CPEB3: variants seen among roughly 807,000 people sequenced by gnomAD.
CPEB3 encodes cytoplasmic polyadenylation element binding protein 3, also known as cytoplasmic polyadenylation element-binding protein 3.
A neutral mutation model predicts 67.2 loss-of-function variants in CPEB3; 20 were observed. The observed-to-expected ratio is 0.30, with a 90% CI of 0.21 to 0.43. The LOEUF is 0.43. Among genes scored for constraint, CPEB3 ranks in the 20% least tolerant of loss-of-function variants. CPEB3 has a pLI of 1.00. For synonymous variants in CPEB3, 376 were observed against 393.1 expected, an observed-to-expected ratio of 0.96 and a Z score of 0.51; for missense variants, 746 against 968.6, an observed-to-expected ratio of 0.77 and a Z score of 3.05.
chr10:92,116,988 G>A (rs1590174861), intron 6 of CPEB3, among the ~76,000 whole-genome samples: 2 of 152,240 alleles, frequency 1.3e-5, no homozygotes, highest in Admixed American at 1.3e-4. Context: ...CATTTCATTG[G>A]CCAGGTGTGT....
At chr10:92,091,203 G>A (rs547695554) in intron 8 of CPEB3, among the ~76,000 whole-genome samples, 1 of 152,024 alleles carries the variant, frequency 6.6e-6, no homozygotes, top group Non-Finnish European at 1.5e-5. Context: ...AGTGGCAACA[G>A]TAACTTTTTT....
chr10:92,210,289 G>C (rs933101232), intron 2 of CPEB3, among the ~76,000 whole-genome samples: 1 of 152,162 alleles, frequency 6.6e-6, no homozygotes, highest in African/African-American at 2.4e-5. Flanking sequence ...ATGCTATAAA[G>C]ATACAAATGA....
chr10:92,185,477 T>TA lies in CPEB3; in HGVS notation c.1166-4459dup, dbSNP rs200919646. ...ACATTCATATTTAAAACACTAGTTA[T>TA]AAAAAAAAAACTATGTCTATCATGA... is the stretch of plus-strand genomic sequence containing the variant. On this transcript the variant is annotated intron_variant, in intron 3 of 9. Transcript: ENST00000265997. Among the ~76,000 whole-genome samples the TA allele has an allele frequency of 5.7e-3, 855 of 148,818 alleles. 11 individuals carry two copies. Among genetic ancestry groups the TA allele is most frequent in the East Asian group, 0.05 (255 of 5,134 alleles).
In CPEB3 at chr10:92,263,081, T is replaced by G. The variant is rs372970118; in HGVS notation, c.-11-22720A>C. ...CATAGCACTCGGCCGAAAGCATTTT[T>G]TTGTTGTTGTTGGAGACAGTCTCTC... On this transcript the variant is annotated intron_variant, in intron 1 of 9. Transcript: ENST00000265997. 4.6e-5 allele frequency among the ~76,000 whole-genome samples: 7 copies of G among 152,282 alleles called. No individual in the cohort carries two copies. The East Asian group carries it at 5.8e-4, about 13-fold the overall frequency.
At chr10:92,139,567 A>C (rs1453750544) in intron 6 of CPEB3, among the ~76,000 whole-genome samples, 2 of 152,124 alleles carry the variant, frequency 1.3e-5, no homozygotes, top group Admixed American at 6.5e-5. Context: ...AAAAGTGGGC[A>C]TGGTTAATAG....
At chr10:92,156,234 T>C (rs1288347864) in intron 4 of CPEB3, among the ~76,000 whole-genome samples, 1 of 152,080 alleles carries the variant, frequency 6.6e-6, no homozygotes, top group African/African-American at 2.4e-5. Flanking sequence ...AAAATAAGGA[T>C]AGTTCTTAGA....
chr10:92,161,918 C>T (rs1370195076), intron 4 of CPEB3, among the ~76,000 whole-genome samples: 2 of 152,202 alleles, frequency 1.3e-5, no homozygotes, highest in East Asian at 3.9e-4. Flanking sequence ...GCCGTGGCCT[C>T]CCAAAGTGCT....
chr10:92,217,591 G>A (rs545246585), intron 2 of CPEB3, among the ~76,000 whole-genome samples: 12 of 151,602 alleles, frequency 7.9e-5, no homozygotes, highest in East Asian at 7.8e-4. Flanking sequence ...GAGGAACCCC[G>A]TCTCTACTAA....
chr10:92,153,941 T>G (rs1847083823), intron 4 of CPEB3, among the ~76,000 whole-genome samples: 2 of 152,242 alleles, frequency 1.3e-5, no homozygotes, highest in Middle Eastern at 6.8e-3. Flanking sequence ...CCTGGTAGAC[T>G]AGTTGTATTT....
At chr10:92,057,108 T>C (rs1360436042) in intron 9 of CPEB3, among the ~76,000 whole-genome samples, 2 of 152,174 alleles carry the variant, frequency 1.3e-5, no homozygotes, top group Non-Finnish European at 2.9e-5. Context: ...TGAGACTTGC[T>C]GGCTTCAGGT....
intron 4 of CPEB3, among the ~76,000 whole-genome samples, chr10:92,173,308 T>C (rs1261587159): frequency 2.0e-5 from 3 of 152,166 alleles, no homozygotes; most frequent in African/African-American, 7.2e-5. Flanking sequence ...TGGTTAGAAC[T>C]ACCCAATACT....
At chr10:92,190,498 T>A (rs1457827198) in intron 3 of CPEB3, among the ~76,000 whole-genome samples, 2 of 150,732 alleles carry the variant, frequency 1.3e-5, no homozygotes, top group African/African-American at 4.9e-5. Context: ...AAATTCTGTC[T>A]CTACTAAAAA....
intron 1 of CPEB3, among the ~76,000 whole-genome samples, chr10:92,267,876 T>C (rs1853130751): frequency 6.6e-6 from 1 of 152,240 alleles, no homozygotes. Flanking sequence ...TGGACTGCAG[T>C]GGCACGATCT....
At chr10:92,188,320 T>TAAAAAAAAAAAAAA (rs756970118) in intron 3 of CPEB3, among the ~76,000 whole-genome samples, 6 of 36,976 alleles carry the variant, frequency 1.6e-4, no homozygotes, top group South Asian at 1.6e-3. Context: ...TAAGACATAG[T>TAAAAAAAAAAAAAA]AAAAAAAAAA....
chr10:92,110,505 C>T (rs555530456), intron 7 of CPEB3, among the ~76,000 whole-genome samples: 1 of 152,344 alleles, frequency 6.6e-6, no homozygotes, highest in South Asian at 2.1e-4. Context: ...CTCATTCATA[C>T]TCTGGCTCAG....
chr10:92,052,792 G>C (rs559929373), intron 9 of CPEB3, among the ~76,000 whole-genome samples: 2 of 152,228 alleles, frequency 1.3e-5, no homozygotes, highest in African/African-American at 4.8e-5. Flanking sequence ...AGGATTAAGA[G>C]GGGCTGTGCA....
At chr10:92,262,093 G>A (rs1039290292) in intron 1 of CPEB3, among the ~76,000 whole-genome samples, 9 of 152,124 alleles carry the variant, frequency 5.9e-5, no homozygotes, top group Non-Finnish European at 1.2e-4. Context: ...TTCTCTTCTT[G>A]AGGAAGCTGA....
chr10:92,181,922 G>C (rs1848478813), intron 3 of CPEB3, among the ~76,000 whole-genome samples: 1 of 151,704 alleles, frequency 6.6e-6, no homozygotes, highest in African/African-American at 2.4e-5. Context: ...AGACATTTTT[G>C]TTATGTTTTC....
chr10:92,289,718 C>CAAAAAAAAAAAAAAAAAAAAAA (rs749285662), intron 1 of CPEB3, among the ~76,000 whole-genome samples: 5 of 30,960 alleles, frequency 1.6e-4, no homozygotes, highest in Admixed American at 6.1e-4. Flanking sequence ...GCGTCTCTAC[C>CAAAAAAAAAAAAAAAAAAAAAA]AAAAAAAAAA....
Sources: allele counts gnomAD v4.1 joint callset (sites outside exome capture counted in the v4.1 genomes callset), GRCh38; gene constraint gnomAD v4.1.1; transcripts MANE v1.5; gene names NCBI Gene and HGNC (gene_info 2026-07-23, HGNC 2026-07-21).